The following H6PD variants were observed in gnomAD, a reference collection of about 807,000 sequenced individuals.
The protein encoded by H6PD is GDH/6PGL endoplasmic bifunctional protein.
A neutral mutation model predicts 61.2 loss-of-function variants in H6PD; 48 were observed. That is an observed-to-expected ratio of 0.78 (90% CI 0.62 to 1.00). The LOEUF is 1.00. H6PD is among the 50% of genes least tolerant of loss of function. The pLI, the probability that H6PD is intolerant of heterozygous loss-of-function variation, is 0.00. For synonymous variants in H6PD, 480 were observed against 457.9 expected, an observed-to-expected ratio of 1.05 and a Z score of -0.62; for missense variants, 1,093 against 1,065.0, an observed-to-expected ratio of 1.03 and a Z score of -0.37.
chr1:9,249,871 A>C (rs1343904657), intron 3 of H6PD, among the ~76,000 whole-genome samples: 1 of 152,238 alleles, frequency 6.6e-6, no homozygotes, highest in East Asian at 1.9e-4. Context: ...CCAGCCCCCC[A>C]GCAAGTGGGC....
rs1172684813 is a variant in H6PD, at chr1:9,239,261, G to A, written c.-11+4195G>A. ...GGGTTTTTGCCATGTTGCCCAGGCT[G>A]GTCTCAATCTCCTGGGCTCAAGTAG... On this transcript the variant is annotated intron_variant, in intron 1 of 4. Transcript: ENST00000377403. 2.0e-5 allele frequency among the ~76,000 whole-genome samples: 3 copies of A among 152,146 alleles called. No individual in the cohort carries two copies. The East Asian group carries it at 5.8e-4, about 29-fold the overall frequency.
intron 3 of H6PD, among the ~76,000 whole-genome samples, chr1:9,257,530 G>A (rs1305137226): frequency 6.6e-6 from 1 of 152,182 alleles, no homozygotes; most frequent in Non-Finnish European, 1.5e-5. Flanking sequence ...GTGACAATGT[G>A]TGGATCTTCA....
At position 9,238,160 on chromosome 1, in the gene H6PD, C is replaced by T. The variant is rs139564935; in HGVS notation, c.-11+3094C>T. Among the ~76,000 whole-genome samples the T allele has an allele frequency of 1.3e-3, 194 of 152,238 alleles. 1 individual carries two copies. The highest frequency in any genetic ancestry group is 4.4e-3 in the African/African-American group (182 of 41,530). On this transcript the variant is annotated intron_variant, in intron 1 of 4. Transcript: ENST00000377403. ...GAAAAATTAGTGAGGGAGTAAACCA[C>T]GTGGACCTGGTGGGGGACATGGGGG...
At chr1:9,259,558 G>A (rs1641648021) in intron 3 of H6PD, among the ~76,000 whole-genome samples, 1 of 151,822 alleles carries the variant, frequency 6.6e-6, no homozygotes, top group Non-Finnish European at 1.5e-5. Flanking sequence ...GTATTATGTT[G>A]CTGTTATTCC....
chr1:9,258,301 G>A (rs1016455208), intron 3 of H6PD, among the ~76,000 whole-genome samples: 2 of 152,070 alleles, frequency 1.3e-5, no homozygotes, highest in South Asian at 2.1e-4. Context: ...GTGTTGTTAC[G>A]TTGTTATACC....
intron 3 of H6PD, among the ~76,000 whole-genome samples, chr1:9,249,228 T>C (rs1315027440): frequency 3.3e-5 from 5 of 152,204 alleles, no homozygotes; most frequent in African/African-American, 9.6e-5. Context: ...TCCCACCCTG[T>C]TTCCTTCTTG....
chr1:9,237,870 C>G (rs867579104), intron 1 of H6PD, among the ~76,000 whole-genome samples: 1 of 152,124 alleles, frequency 6.6e-6, no homozygotes. Flanking sequence ...ATTTATAGAG[C>G]GCCTTCTGTA....
Position 9,244,270 on chromosome 1 carries a change from T to A in H6PD, c.-10-655T>A, listed in dbSNP as rs375861561. On this transcript the variant is annotated intron_variant, in intron 1 of 4. Transcript: ENST00000377403. Reference sequence around the variant, plus strand: ...CCTTATAACAACTCTGTGCTGTAGGTACCGCTATTACCCCCATTTCAGGTG... The same window carrying A: ...CCTTATAACAACTCTGTGCTGTAGGAACCGCTATTACCCCCATTTCAGGTG... Among the ~76,000 whole-genome samples the A allele has an allele frequency of 6.6e-5, 10 of 152,336 alleles. No individual in the cohort carries two copies. The East Asian group carries it at 1.7e-3, about 26-fold the overall frequency.
chr1:9,250,499 A>G (rs1435591825), intron 3 of H6PD, among the ~76,000 whole-genome samples: 1 of 110,584 alleles, frequency 9.0e-6, no homozygotes, highest in Non-Finnish European at 1.9e-5. Flanking sequence ...CCCACCCCAC[A>G]CACACCACAG....
chr1:9,241,218 G>A (rs1337831192), intron 1 of H6PD, among the ~76,000 whole-genome samples: 1 of 151,880 alleles, frequency 6.6e-6, no homozygotes, highest in Admixed American at 6.6e-5. Context: ...CATTTGTATA[G>A]CATTTTTGTC....
At chr1:9,241,057 G>A (rs113943008) in intron 1 of H6PD, among the ~76,000 whole-genome samples, 191 of 152,318 alleles carry the variant, frequency 1.3e-3, no homozygotes, top group African/African-American at 4.4e-3. Context: ...GGAGTGTTGA[G>A]TTAGGAACCA....
chr1:9,258,760 T>G (rs924259212), intron 3 of H6PD, among the ~76,000 whole-genome samples: 1 of 152,014 alleles, frequency 6.6e-6, no homozygotes, highest in South Asian at 2.1e-4. Context: ...GTTGTTACAT[T>G]GTTATGCTGG....
At chr1:9,241,714 A>G (rs1353017803) in intron 1 of H6PD, among the ~76,000 whole-genome samples, 2 of 152,160 alleles carry the variant, frequency 1.3e-5, no homozygotes, top group Non-Finnish European at 2.9e-5. Context: ...TAGCTGACTT[A>G]ATTAGATCAC....
Position 9,264,101 on chromosome 1 carries a change from G to GGCCCC in H6PD, c.1609_1613dup (p.Met539ProfsTer27). 6.2e-7 allele frequency: 1 copy of GGCCCC among 1,613,862 alleles called. No homozygotes were observed. Among genetic ancestry groups the GGCCCC allele is most frequent in the Non-Finnish European group, 8.5e-7 (1 of 1,179,962 alleles). On this transcript the variant is annotated frameshift_variant, in exon 5 of 5. Transcript: ENST00000377403. LOFTEE classifies it high-confidence loss of function. The stretch of plus-strand genomic sequence containing the variant: ...AGCAGCTGGTGCCAGGGCCAGGGCC[G>GGCCCC]GCCCCAATGCCCAGTGACTTCCAGG...
rs767020028 is a variant in H6PD, at chr1:9,264,905, C to T, written c.*36C>T. ...GCCCCTTGCCCGCTTCGCTCCTGTG[C>T]TTTCCTTCGCCCGTGTCTTCCCTCC... On this transcript the variant is annotated 3_prime_UTR_variant, in exon 5 of 5. Transcript: ENST00000377403. 13 of 1,605,686 alleles carry T rather than the reference C, an allele frequency of 8.1e-6. No homozygotes were observed. The highest frequency in any genetic ancestry group is 1.1e-5 in the Non-Finnish European group (13 of 1,178,856).
At chr1:9,263,474 C>A in intron 4 of H6PD, 35 bp from the exon 5 acceptor site, 1 of 1,605,984 alleles carries the variant, frequency 6.2e-7, no homozygotes, top group Non-Finnish European at 8.5e-7. Context: ...CTGGTCTGTG[C>A]CAGAGAGTCA....
chr1:9,259,140 C>T (rs568051825), intron 3 of H6PD, among the ~76,000 whole-genome samples: 21 of 152,262 alleles, frequency 1.4e-4, no homozygotes, highest in African/African-American at 3.9e-4. Flanking sequence ...TACAGGCGCC[C>T]GCCACCACGC....
chr1:9,245,611 T>G lies in H6PD; in HGVS notation c.627+50T>G. On this transcript the variant is annotated intron_variant, in intron 2 of 4. Transcript: ENST00000377403. This position sits in a 1 kb window ranked among gnomAD's most constrained non-coding sequence, Gnocchi z 4.8. ...AGGGCTAGGGTGAGCTGGGCGCTGG[T>G]AGACCCCAGCAACAAAGCCGCTCGC... 6.3e-7 allele frequency: 1 copy of G among 1,577,116 alleles called. No individual in the cohort carries two copies. Among genetic ancestry groups the G allele is most frequent in the Middle Eastern group, 1.7e-4 (1 of 5,986 alleles).
intron 3 of H6PD, among the ~76,000 whole-genome samples, chr1:9,256,362 C>T (rs1441169352): frequency 1.3e-5 from 2 of 152,240 alleles, no homozygotes; most frequent in East Asian, 3.8e-4. Context: ...GAGCTGCACC[C>T]TCTAGCTCCT....
Sources: gnomAD v4.1 joint callset for allele counts (sites outside exome capture counted in the v4.1 genomes callset) on GRCh38, gnomAD v4.1.1 for gene constraint, Gnocchi (gnomAD v3.1) non-coding constraint, MANE v1.5 for transcripts, NCBI Gene and HGNC (gene_info 2026-07-23, HGNC 2026-07-21) for gene names.